The following GRIA2 variants were observed in gnomAD, a reference collection of about 807,000 sequenced individuals.
The protein encoded by GRIA2 is glutamate receptor 2.
Under a neutral mutation model 97.3 loss-of-function variants are expected in GRIA2, and 14 were observed. That is an observed-to-expected ratio of 0.14 (90% CI 0.10 to 0.23). GRIA2 has a LOEUF of 0.23. Among genes scored for constraint, GRIA2 ranks in the 10% least tolerant of loss-of-function variants. GRIA2 has a pLI of 1.00. For missense variants in GRIA2, 558 were observed against 1,069.8 expected, an observed-to-expected ratio of 0.52 and a Z score of 6.67; for synonymous variants, 412 against 387.8, an observed-to-expected ratio of 1.06 and a Z score of -0.73.
chr4:157,355,916 A>ATTTATATATAAATAT (rs1736288535), intron 12 of GRIA2, among the ~76,000 whole-genome samples: 1 of 26,072 alleles, frequency 3.8e-5, no homozygotes, highest in Admixed American at 1.3e-3. Context: ...TATATATATT[A>ATTTATATATAAATAT]ATATATTTAT....
chr4:157,227,739 A>G (rs1014538990), intron 2 of GRIA2, among the ~76,000 whole-genome samples: 1 of 152,094 alleles, frequency 6.6e-6, no homozygotes, highest in Non-Finnish European at 1.5e-5. Flanking sequence ...TTGCTCTTTT[A>G]TTATTATAGC....
chr4:157,294,084 A>G (rs1411638276), intron 2 of GRIA2, among the ~76,000 whole-genome samples: 1 of 152,148 alleles, frequency 6.6e-6, no homozygotes, highest in Non-Finnish European at 1.5e-5. Context: ...AAGTAAGAAG[A>G]GCAAGAAAGT....
intron 4 of GRIA2, among the ~76,000 whole-genome samples, chr4:157,315,056 G>C (rs935049012): frequency 1.1e-4 from 16 of 152,164 alleles, no homozygotes; most frequent in African/African-American, 3.9e-4. Flanking sequence ...AATTTGTGAA[G>C]GGTTCACATA....
intron 2 of GRIA2, among the ~76,000 whole-genome samples, chr4:157,231,355 T>C (rs1730011400): frequency 6.6e-6 from 1 of 152,136 alleles, no homozygotes; most frequent in South Asian, 2.1e-4. Flanking sequence ...TTATTTTTTA[T>C]TTTTGCAGAC....
chr4:157,350,095 C>G (rs529541306), intron 12 of GRIA2, among the ~76,000 whole-genome samples: 1 of 152,158 alleles, frequency 6.6e-6, no homozygotes, highest in South Asian at 2.1e-4. Flanking sequence ...TTGTTATGGT[C>G]TTTAGAAAGT....
chr4:157,247,281 T>C (rs552864303), intron 2 of GRIA2, among the ~76,000 whole-genome samples: 1 of 152,258 alleles, frequency 6.6e-6, no homozygotes, highest in South Asian at 2.1e-4. Context: ...TCACAACAGA[T>C]TTGAAGATGG....
In GRIA2 at chr4:157,292,179, A is replaced by G. The variant is rs572838112; in HGVS notation, c.230-11373A>G. Among the ~76,000 whole-genome samples the G allele has an allele frequency of 5.3e-5, 8 of 152,192 alleles. No homozygotes were observed. In the East Asian group the frequency reaches 1.5e-3, roughly 29 times the overall value. On this transcript the variant is annotated intron_variant, in intron 2 of 15. Transcript: ENST00000264426. The stretch of plus-strand genomic sequence containing the variant: ...ACAAAAATTTTGCAAAAGGACACTG[A>G]CAGCAATAGTTATTTCCAAAAAAGT...
At chr4:157,359,830 T>G in intron 12 of GRIA2, 66 bp from the exon 13 acceptor site, 1 of 1,415,126 alleles carries the variant, frequency 7.1e-7, no homozygotes, top group Non-Finnish European at 9.8e-7. Flanking sequence ...TACCTCTTTT[T>G]GTGTTTTGTG....
At chr4:157,268,052 C>T (rs893166344) in intron 2 of GRIA2, among the ~76,000 whole-genome samples, 2 of 151,942 alleles carry the variant, frequency 1.3e-5, no homozygotes, top group African/African-American at 4.8e-5. Context: ...ATGAAATGTT[C>T]CTTTAAATAG....
chr4:157,354,482 T>G (rs1211026721), intron 12 of GRIA2, among the ~76,000 whole-genome samples: 1 of 152,190 alleles, frequency 6.6e-6, no homozygotes, highest in Non-Finnish European at 1.5e-5. Flanking sequence ...TGGACTGATA[T>G]GCCTATTAAT....
intron 2 of GRIA2, among the ~76,000 whole-genome samples, chr4:157,228,435 T>C (rs2126684987): frequency 6.6e-6 from 1 of 152,308 alleles, no homozygotes; most frequent in South Asian, 2.1e-4. Context: ...AATGATATGC[T>C]GAATATATGT....
At chr4:157,349,641 A>T (rs974654830) in intron 12 of GRIA2, among the ~76,000 whole-genome samples, 5 of 152,162 alleles carry the variant, frequency 3.3e-5, no homozygotes, top group African/African-American at 1.2e-4. Flanking sequence ...TTTCCAAAAA[A>T]CCAACTGTGC....
intron 2 of GRIA2, among the ~76,000 whole-genome samples, chr4:157,265,083 C>G (rs190836206): frequency 1.6e-4 from 24 of 152,112 alleles, no homozygotes; most frequent in Middle Eastern, 3.4e-3. Context: ...TTATACTGCC[C>G]TTGTTAAGAT....
At chr4:157,282,098 T>C (rs1254537750) in intron 2 of GRIA2, among the ~76,000 whole-genome samples, 2 of 152,154 alleles carry the variant, frequency 1.3e-5, no homozygotes, top group Non-Finnish European at 2.9e-5. Flanking sequence ...AGCAGTTTTC[T>C]ACTGCCATTT....
At chr4:157,291,365 T>C (rs1462307651) in intron 2 of GRIA2, among the ~76,000 whole-genome samples, 1 of 151,978 alleles carries the variant, frequency 6.6e-6, no homozygotes, top group Non-Finnish European at 1.5e-5. Flanking sequence ...ATATTCAGAA[T>C]TGGCTATGAA....
intron 7 of GRIA2, 69 bp from the exon 8 acceptor site, chr4:157,333,180 A>G (rs1735134003): frequency 2.5e-5 from 24 of 975,672 alleles, no homozygotes; most frequent in Non-Finnish European, 3.6e-5. Context: ...TGGTTAAAGT[A>G]ATCTGTACAG....
At chr4:157,277,819 T>C (rs961553684) in intron 2 of GRIA2, among the ~76,000 whole-genome samples, 2 of 145,654 alleles carry the variant, frequency 1.4e-5, no homozygotes, top group Non-Finnish European at 3.0e-5. Flanking sequence ...GTATGCTATA[T>C]ATATATGTAT....
At chr4:157,257,331 G>A (rs1321376273) in intron 2 of GRIA2, among the ~76,000 whole-genome samples, 1 of 152,094 alleles carries the variant, frequency 6.6e-6, no homozygotes, top group Admixed American at 6.6e-5. Context: ...ATTTGTTCAT[G>A]GGATTTATTT....
chr4:157,284,363 A>G (rs571345677), intron 2 of GRIA2, among the ~76,000 whole-genome samples: 1 of 151,884 alleles, frequency 6.6e-6, no homozygotes, highest in East Asian at 1.9e-4. Context: ...GATGTGCTGT[A>G]TTTTCTGTTC....
Sources: allele counts gnomAD v4.1 joint callset (sites outside exome capture counted in the v4.1 genomes callset), GRCh38; gene constraint gnomAD v4.1.1; transcripts MANE v1.5; gene names NCBI Gene and HGNC (gene_info 2026-07-23, HGNC 2026-07-21).